TRIO: variants seen among roughly 807,000 people sequenced by gnomAD.
TRIO encodes trio Rho guanine nucleotide exchange factor.
TRIO carries 58 observed loss-of-function variants against 351.9 expected under a neutral mutation model. The observed-to-expected ratio is 0.16, with a 90% confidence interval of 0.13 to 0.21. The LOEUF (loss-of-function observed/expected upper bound fraction) is 0.21. Ranked by LOEUF, TRIO falls within the 10% of genes least tolerant of loss-of-function variation. The pLI, the probability that TRIO is intolerant of heterozygous loss-of-function variation, is 1.00. For missense variants in TRIO, 3,201 were observed against 4,027.8 expected (o/e 0.79, Z 5.56); for synonymous variants, 1,758 against 1,595.7 (o/e 1.10, Z -2.42).
Position 14,401,082 on chromosome 5 carries a change from TG to T in TRIO, c.4716+21del. ...TCCTTAAGGTACGTTCATTTGAAGC[TG>T]GGAATGTGCTGTTTGAAACATTTAC... On this transcript the variant is annotated intron_variant, in intron 31 of 56. Transcript: ENST00000344204. The T allele has an allele frequency of 6.2e-7, 1 of 1,602,068 alleles. No individual in the cohort carries two copies. Among genetic ancestry groups the T allele is most frequent in the Non-Finnish European group, 8.5e-7 (1 of 1,169,846 alleles).
intron 1 of TRIO, among the ~76,000 whole-genome samples, chr5:14,244,456 G>A (rs1310031329): frequency 1.3e-5 from 2 of 152,142 alleles, no homozygotes; most frequent in East Asian, 1.9e-4. Context: ...TTTCATAGTA[G>A]TATGTAGAAT....
At chr5:14,214,501 C>T (rs953008990) in intron 1 of TRIO, among the ~76,000 whole-genome samples, 4 of 152,158 alleles carry the variant, frequency 2.6e-5, no homozygotes, top group Non-Finnish European at 5.9e-5. Flanking sequence ...TTTGGAAATA[C>T]AGGTTAGTCT....
Position 14,308,719 on chromosome 5 carries a change from GTCCATCCA to G in TRIO, c.1500+4160_1500+4167del, listed in dbSNP as rs56135752. 1.9e-3 allele frequency among the ~76,000 whole-genome samples: 232 copies of G among 125,088 alleles called. 1 individual carries two copies. The highest frequency in any genetic ancestry group is 4.0e-3 in the African/African-American group (111 of 27,440). The allele number at this position is 125,088 out of a possible 152,430, so 82.1% of individuals were successfully genotyped here. On this transcript the variant is annotated intron_variant, in intron 8 of 56. Transcript: ENST00000344204. ...TAATCACCCAACCACCCATTCATTT[GTCCATCCA>G]TCCATCCATCCATCCATCCATCCAT...
At chr5:14,180,998 A>G (rs1050703020) in intron 1 of TRIO, among the ~76,000 whole-genome samples, 1 of 152,250 alleles carries the variant, frequency 6.6e-6, no homozygotes, top group Non-Finnish European at 1.5e-5. Context: ...AGAACATGCA[A>G]GAAAATTGTG....
At chr5:14,144,938 A>AG (rs5866089) in intron 1 of TRIO, among the ~76,000 whole-genome samples, 106,730 of 151,872 alleles carry the variant, frequency 0.7, 38,800 homozygotes, top group African/African-American at 0.9. Flanking sequence ...CGGGGCCGGC[A>AG]CCCAGAGCGC....
rs906135464 is a variant in TRIO, at chr5:14,310,150, G to A, written c.1500+5558G>A. 5.9e-5 allele frequency among the ~76,000 whole-genome samples: 9 copies of A among 152,192 alleles called. No individual in the cohort carries two copies. The East Asian group carries it at 7.7e-4, about 13-fold the overall frequency. On this transcript the variant is annotated intron_variant, in intron 8 of 56. Transcript: ENST00000344204. ...CACAAGAGAGTGAAGCAGTGTAAAC[G>A]TCGGAGATAAGTTGTAGTCATTTTT...
At chr5:14,352,867 G>A (rs572708013) in intron 11 of TRIO, among the ~76,000 whole-genome samples, 23 of 143,690 alleles carry the variant, frequency 1.6e-4, no homozygotes, top group Admixed American at 3.6e-4. Flanking sequence ...AGGATGTTGC[G>A]GGGAATACGC....
intron 39 of TRIO, among the ~76,000 whole-genome samples, chr5:14,473,684 A>C (rs1435848179): frequency 6.6e-6 from 1 of 152,260 alleles, no homozygotes; most frequent in East Asian, 1.9e-4. Flanking sequence ...CCAAATATTT[A>C]ATATTTACAA....
At chr5:14,395,758 T>C (rs1747504585) in intron 28 of TRIO, among the ~76,000 whole-genome samples, 5 of 152,176 alleles carry the variant, frequency 3.3e-5, no homozygotes, top group Admixed American at 3.3e-4. Context: ...GTAGTAATTA[T>C]TAATACACCA....
intron 1 of TRIO, among the ~76,000 whole-genome samples, chr5:14,256,180 A>C (rs770854526): frequency 6.6e-6 from 1 of 152,174 alleles, no homozygotes; most frequent in Non-Finnish European, 1.5e-5. Flanking sequence ...TGAAGGGGGA[A>C]CTAGTGTCTC....
At chr5:14,495,076 T>C (rs1320297336) in intron 49 of TRIO, among the ~76,000 whole-genome samples, 15 of 152,240 alleles carry the variant, frequency 9.9e-5, no homozygotes. Context: ...TTAACATTAA[T>C]TAACAGTGGT....
intron 10 of TRIO, among the ~76,000 whole-genome samples, chr5:14,333,153 A>G (rs1018796282): frequency 2.1e-4 from 32 of 152,134 alleles, no homozygotes; most frequent in Non-Finnish European, 4.3e-4. Context: ...CCCGCGGGCC[A>G]CTTCACCTCG....
At chr5:14,270,235 G>T (rs907970328) in intron 1 of TRIO, among the ~76,000 whole-genome samples, 4 of 152,166 alleles carry the variant, frequency 2.6e-5, no homozygotes, top group African/African-American at 7.2e-5. Flanking sequence ...AGCTGGAGTG[G>T]CACTGGGCCG....
At chr5:14,270,943 A>C (rs1306787802) in intron 2 of TRIO, 44 bp downstream of exon 2, 1 of 1,394,468 alleles carries the variant, frequency 7.2e-7, no homozygotes, top group African/African-American at 1.4e-5. Flanking sequence ...CTGCTCTGAC[A>C]CAATTTCAGA....
chr5:14,176,938 A>G (rs1461246033), intron 1 of TRIO, among the ~76,000 whole-genome samples: 1 of 152,228 alleles, frequency 6.6e-6, no homozygotes, highest in Non-Finnish European at 1.5e-5. Context: ...AGGGTTGATA[A>G]TATTATAATA....
Position 14,488,171 on chromosome 5 carries a change from C to A in TRIO, c.7543C>A (p.Arg2515Ser), listed in dbSNP as rs766894115. Residue 2515 changes from arginine to serine, a missense_variant, in exon 48 of 57, where the codon CGC becomes AGC. Arg to Ser is a moderately radical substitution (Grantham distance 110). Coordinates refer to ENST00000344204, the MANE Select transcript of TRIO (RefSeq NM_007118.4). ...DSDSLQRQTP[R>S]HAAPGKDTDR... ...CGACTCCCTCCAGCGGCAGACACCC[C>A]GCCACGCGGCCCCTGGCAAGGATAC... The A allele has an allele frequency of 1.3e-5, 21 of 1,602,982 alleles. No homozygotes were observed. The highest frequency in any genetic ancestry group is 2.2e-5 in the East Asian group (1 of 44,792).
chr5:14,379,777 C>T (rs920787223), intron 20 of TRIO, among the ~76,000 whole-genome samples: 8 of 152,122 alleles, frequency 5.3e-5, no homozygotes, highest in Non-Finnish European at 8.8e-5. Context: ...TCCTAAAGTC[C>T]GCTTATTCAC....
At position 14,353,958 on chromosome 5, in the gene TRIO, G is replaced by A. The variant is rs114270876; in HGVS notation, c.2047-4220G>A. Among the ~76,000 whole-genome samples the A allele has an allele frequency of 9.6e-4, 146 of 152,312 alleles. 1 individual carries two copies. Among genetic ancestry groups the A allele is most frequent in the African/African-American group, 3.5e-3 (144 of 41,576 alleles). The stretch of plus-strand genomic sequence containing the variant: ...TTTGGTAGTATTTGCTGGAGAAGAG[G>A]AATTTTGCAGAGGTCCCCACCCAAA... On this transcript the variant is annotated intron_variant, in intron 11 of 56. Transcript: ENST00000344204.
At chr5:14,273,829 C>G (rs761442251) in intron 2 of TRIO, among the ~76,000 whole-genome samples, 2 of 152,204 alleles carry the variant, frequency 1.3e-5, no homozygotes, top group African/African-American at 2.4e-5. Context: ...ACACGACAAC[C>G]ACCAGAATTA....
Sources: allele counts gnomAD v4.1 joint callset (sites outside exome capture counted in the v4.1 genomes callset), GRCh38; gene constraint gnomAD v4.1.1; transcripts MANE v1.5; gene names NCBI Gene and HGNC (gene_info 2026-07-23, HGNC 2026-07-21).